Variants in TRPC4AP observed in about 807,000 individuals in gnomAD.
TRPC4AP encodes the protein short transient receptor potential channel 4-associated protein.
In TRPC4AP, 45 loss-of-function variants were observed where a neutral mutation model predicts 99.0. That is an observed-to-expected ratio of 0.45 (90% CI 0.36 to 0.58). The LOEUF (loss-of-function observed/expected upper bound fraction) is 0.58. Ranked by LOEUF, TRPC4AP falls within the 20% of genes least tolerant of loss-of-function variation. The probability of loss-of-function intolerance (pLI) is 0.00; values close to 1 mark genes in which losing one functional copy is unlikely to be tolerated. For missense variants in TRPC4AP, 879 were observed against 985.3 expected, an observed-to-expected ratio of 0.89 and a Z score of 1.44; for synonymous variants, 408 against 385.8, an observed-to-expected ratio of 1.06 and a Z score of -0.67.
rs542393205 is a variant in TRPC4AP, at chr20:35,083,961, T to TA, written c.169-5788_169-5787insT. Reference sequence around the variant, plus strand: ...GAATGAAGGGCTTCAAATGATTTCTTTAAAAAAAAAAAAAAGTTTTAGAAT... The same window carrying TA: ...GAATGAAGGGCTTCAAATGATTTCTTATAAAAAAAAAAAAAAGTTTTAGAAT... On this transcript the variant is annotated intron_variant, in intron 1 of 18. Transcript: ENST00000252015. Among the ~76,000 whole-genome samples the TA allele has an allele frequency of 1.8e-4, 26 of 148,334 alleles. No homozygotes were observed. In the South Asian group the frequency reaches 2.6e-3, roughly 15 times the overall value.
At chr20:35,064,617 T>C (rs2084093905) in intron 3 of TRPC4AP, among the ~76,000 whole-genome samples, 1 of 152,366 alleles carries the variant, frequency 6.6e-6, no homozygotes, top group East Asian at 1.9e-4. Flanking sequence ...TCTGTATTTA[T>C]TGTTAACTGC....
intron 7 of TRPC4AP, among the ~76,000 whole-genome samples, chr20:35,037,346 C>CAAAA (rs71196778): frequency 2.5e-5 from 2 of 78,940 alleles, no homozygotes; most frequent in African/African-American, 5.0e-5. Flanking sequence ...GACTCTGTCT[C>CAAAA]AAAAAAAAAA....
chr20:35,073,903 C>T (rs2084395419), intron 2 of TRPC4AP, among the ~76,000 whole-genome samples: 1 of 152,130 alleles, frequency 6.6e-6, no homozygotes, highest in African/African-American at 2.4e-5. Flanking sequence ...TGGTCCTGGA[C>T]TTTTTTTGGT....
intron 5 of TRPC4AP, among the ~76,000 whole-genome samples, chr20:35,052,814 A>C (rs896324731): frequency 1.3e-5 from 2 of 152,080 alleles, no homozygotes; most frequent in Non-Finnish European, 2.9e-5. Flanking sequence ...TAAACTTTTG[A>C]ATTCAAACAT....
chr20:35,015,830 G>A (rs948837719), intron 10 of TRPC4AP, among the ~76,000 whole-genome samples, 178 bp downstream of exon 10: 1 of 152,074 alleles, frequency 6.6e-6, no homozygotes, highest in Non-Finnish European at 1.5e-5. Context: ...GTTGGGGTGG[G>A]GAGTGGAGTT....
Position 35,044,741 on chromosome 20 carries a change from C to T in TRPC4AP, c.658-29G>A, listed in dbSNP as rs1360274748. ...CAGAAGACAAAAATGAAACAATCCC[C>T]ATGCTCAATTCACTCAAGAGATTGG... is the stretch of plus-strand genomic sequence containing the variant. On this transcript the variant is annotated intron_variant, in intron 6 of 18. Transcript: ENST00000252015. 3 of 1,607,260 alleles carry T rather than the reference C, an allele frequency of 1.9e-6. No homozygotes were observed. In the South Asian group the frequency reaches 3.3e-5, roughly 18 times the overall value.
intron 7 of TRPC4AP, among the ~76,000 whole-genome samples, chr20:35,036,404 C>G (rs2083318425): frequency 6.6e-6 from 1 of 152,118 alleles, no homozygotes; most frequent in Non-Finnish European, 1.5e-5. Context: ...CAATAAATAC[C>G]TTTTTGAATC....
intron 8 of TRPC4AP, among the ~76,000 whole-genome samples, chr20:35,023,377 T>C (rs1293320210): frequency 6.6e-6 from 1 of 152,206 alleles, no homozygotes; most frequent in Non-Finnish European, 1.5e-5. Flanking sequence ...GTAAGCAACA[T>C]ACAATTAGAA....
chr20:35,084,961 G>A (rs1448810321), intron 1 of TRPC4AP, among the ~76,000 whole-genome samples: 1 of 152,146 alleles, frequency 6.6e-6, no homozygotes, highest in Non-Finnish European at 1.5e-5. Flanking sequence ...TACATTGGTA[G>A]ACTAGTGGAG....
chr20:35,045,198 G>A (rs768571842), intron 6 of TRPC4AP, among the ~76,000 whole-genome samples: 1 of 152,010 alleles, frequency 6.6e-6, no homozygotes, highest in African/African-American at 2.4e-5. Flanking sequence ...TATTATTCCC[G>A]TGCATGTTTT....
chr20:35,034,151 CAAAAAAAAA>C (rs59579695), intron 8 of TRPC4AP, among the ~76,000 whole-genome samples: 3 of 6,238 alleles, frequency 4.8e-4, no homozygotes, highest in African/African-American at 7.7e-4. Flanking sequence ...GACTCCGTCT[CAAAAAAAAA>C]AAAAAAAAAA....
chr20:35,060,585 CAAAAA>C (rs35143678), intron 3 of TRPC4AP, among the ~76,000 whole-genome samples: 7 of 70,386 alleles, frequency 9.9e-5, no homozygotes, highest in African/African-American at 1.8e-4. Flanking sequence ...ACCTTGTCTC[CAAAAA>C]AAAAAAAAAA....
intron 3 of TRPC4AP, among the ~76,000 whole-genome samples, chr20:35,065,161 G>C (rs717593): frequency 0.082 from 12,460 of 152,224 alleles, 593 homozygotes; most frequent in South Asian, 0.13. Context: ...AAAAGTTCCT[G>C]AATGCCAAGC....
intron 3 of TRPC4AP, among the ~76,000 whole-genome samples, chr20:35,068,307 G>A (rs183031797): frequency 1.3e-3 from 201 of 152,042 alleles, no homozygotes; most frequent in African/African-American, 4.3e-3. Context: ...TTGTTCCTGG[G>A]GATATAAACT....
chr20:35,033,212 T>C (rs1219670534), intron 8 of TRPC4AP, among the ~76,000 whole-genome samples: 13 of 152,134 alleles, frequency 8.5e-5, no homozygotes, highest in Admixed American at 8.5e-4. Context: ...TTTTAAGTAA[T>C]ATACTGTAGC....
Position 35,018,604 on chromosome 20 carries a change from G to GAAAAAAA in TRPC4AP, c.1219-2472_1219-2466dup, listed in dbSNP as rs11479211. 4.7e-3 allele frequency among the ~76,000 whole-genome samples: 417 copies of GAAAAAAA among 88,920 alleles called. 1 individual carries two copies. Among genetic ancestry groups the GAAAAAAA allele is most frequent in the Middle Eastern group, 6.3e-3 (1 of 158 alleles). The allele number at this position is 88,920 out of a possible 152,430, so 58.3% of individuals were successfully genotyped here. On this transcript the variant is annotated intron_variant, in intron 9 of 18. Coordinates refer to ENST00000252015, the MANE Select transcript of TRPC4AP (RefSeq NM_015638.3). Reference sequence around the variant, plus strand: ...GCAGAGCAAGACTGTCTCAAAAAAAGAAAAAAAAAAAAAAAAAAAAAAGAA... The same window carrying GAAAAAAA: ...GCAGAGCAAGACTGTCTCAAAAAAAGAAAAAAAAAAAAAAAAAAAAAAAAAAAAAGAA...
At chr20:35,068,951 A>ACT (rs1321062537) in intron 3 of TRPC4AP, among the ~76,000 whole-genome samples, 1 of 48,296 alleles carries the variant, frequency 2.1e-5, no homozygotes, top group African/African-American at 9.4e-5. Flanking sequence ...ATATTTACAC[A>ACT]CACACACACA....
rs771531804 is a variant in TRPC4AP, at chr20:35,092,658, G to A, written c.124C>T (p.Arg42Trp). The change falls in exon 1 of 19, where the codon CGG (arginine) becomes TGG (tryptophan). Residue 42 changes from arginine to tryptophan, a missense_variant. Physicochemically the swap from Arg to Trp is moderately radical, Grantham distance 101. Around this residue, in one of 3 missense-constraint regions of TRPC4AP, gnomAD observed 603 missense variants for 631.8 expected, o/e 0.95. Coordinates refer to ENST00000252015, the MANE Select transcript of TRPC4AP (RefSeq NM_015638.3). ...CCCCGGCCGGTCAGCTGGCCCTGCCGCAGCTGCAGCAGAATGTTACCAGGC... is the reference window on the plus strand; with the variant it reads ...CCCCGGCCGGTCAGCTGGCCCTGCCACAGCTGCAGCAGAATGTTACCAGGC... The part of the protein sequence containing the change: ...PRPGNILLQL[R>W]QGQLTGRGLV... 5 of 1,513,728 alleles carry A rather than the reference G, an allele frequency of 3.3e-6. No individual in the cohort carries two copies. The East Asian group carries it at 8.0e-5, about 24-fold the overall frequency. 93.8% of individuals were successfully genotyped at this position (1,513,728 alleles called of 1,614,324 possible).
At chr20:35,023,592 T>C (rs913410307) in intron 8 of TRPC4AP, among the ~76,000 whole-genome samples, 2 of 152,218 alleles carry the variant, frequency 1.3e-5, no homozygotes, top group African/African-American at 2.4e-5. Flanking sequence ...CAAAAAACTA[T>C]AGTTACTCAA....
Sources: allele counts gnomAD v4.1 joint callset (sites outside exome capture counted in the v4.1 genomes callset), GRCh38; gene constraint gnomAD v4.1.1; regional missense constraint gnomAD v4.1.1; transcripts MANE v1.5; gene names NCBI Gene and HGNC (gene_info 2026-07-23, HGNC 2026-07-21).